SPACA9: variants seen among roughly 807,000 people sequenced by gnomAD.
SPACA9 encodes the protein sperm acrosome-associated protein 9.
SPACA9 carries 14 observed loss-of-function variants against 12.5 expected under a neutral mutation model. The observed-to-expected ratio is 1.12, with a 90% CI of 0.74 to 1.75. SPACA9 has a LOEUF of 1.75. SPACA9 is among the 40% of genes most tolerant of loss of function. SPACA9 has a pLI of 0.00. For missense variants in SPACA9, 292 were observed against 291.9 expected, an observed-to-expected ratio of 1.00 and a Z score of 0.00; for synonymous variants, 111 against 114.1, an observed-to-expected ratio of 0.97 and a Z score of 0.17.
At chr9:132,884,399 T>A (rs1261356649) in intron 2 of SPACA9, among the ~76,000 whole-genome samples, 1 of 152,242 alleles carries the variant, frequency 6.6e-6, no homozygotes, top group Non-Finnish European at 1.5e-5. Flanking sequence ...AGTGTCCTCA[T>A]CTGTGACGCA....
chr9:132,878,384 C>A (rs956096539), upstream of SPACA9: 1 of 1,244,010 alleles, frequency 8.0e-7, no homozygotes, highest in South Asian at 3.9e-5. The surrounding 1 kb of genome is among the most constrained non-coding windows in gnomAD (Gnocchi z 4.7). Flanking sequence ...GATCCTCGGT[C>A]GCGCGGGTCG....
chr9:132,889,000 C>A lies in SPACA9; in HGVS notation c.*389C>A. ...GCCAGGATGGTCTCAATCTCCTGAC[C>A]TCATGATCTACCCTCGTGATCGGCC... On this transcript the variant is annotated 3_prime_UTR_variant, in exon 4 of 4. Transcript: ENST00000356311. The surrounding 1 kb of genome is among the most constrained non-coding windows in gnomAD (Gnocchi z 5.0). 1 of 793,434 alleles carries A rather than the reference C, an allele frequency of 1.3e-6. No individual in the cohort carries two copies. Among genetic ancestry groups the A allele is most frequent in the Non-Finnish European group, 1.6e-6 (1 of 644,052 alleles). The allele number at this position is 793,434 out of a possible 1,614,324, so 49.1% of individuals were successfully genotyped here. A position where few individuals can be genotyped will look rare whatever the true frequency, so the allele number is the denominator to read the frequency against.
rs1245751063 is a variant in SPACA9, at chr9:132,889,772, T to A, written c.*1161T>A. 1 of 1,295,990 alleles carries A rather than the reference T, an allele frequency of 7.7e-7. No individual in the cohort carries two copies. The allele number at this position is 1,295,990 out of a possible 1,614,324, so 80.3% of individuals were successfully genotyped here. On this transcript the variant is annotated 3_prime_UTR_variant, in exon 4 of 4. Coordinates refer to ENST00000356311, the MANE Select transcript of SPACA9 (RefSeq NM_001316897.2). ...ACAGCCAAAGGGGAATAAACTCACC[T>A]TTCCTTCGCCTTTACTTGGGAGAGG...
At chr9:132,885,939 A>G (rs1481714772) in intron 2 of SPACA9, among the ~76,000 whole-genome samples, 1 of 151,432 alleles carries the variant, frequency 6.6e-6, no homozygotes, top group Non-Finnish European at 1.5e-5. Flanking sequence ...GCTCTGTTGT[A>G]GTTACACCAT....
chr9:132,887,445 C>T lies in SPACA9; in HGVS notation c.221C>T (p.Ser74Leu). The change falls in exon 3 of 4, where the codon TCA (serine) becomes TTA (leucine). Residue 74 changes from serine to leucine, a missense_variant. Ser to Leu is a moderately radical substitution (Grantham distance 145, BLOSUM62 -2). Coordinates refer to ENST00000356311, the MANE Select transcript of SPACA9 (RefSeq NM_001316897.2). This position sits in a 1 kb window ranked among gnomAD's most constrained non-coding sequence, Gnocchi z 5.4. ...CTGCTCATGTTCCTGGACATCTGTT[C>T]AGAGCTGAATAAGCTCTGCCAGCAC... ...RVLLMFLDIC[S>L]ELNKLCQHFE... 6.2e-7 allele frequency: 1 copy of T among 1,613,518 alleles called. No individual in the cohort carries two copies. Among genetic ancestry groups the T allele is most frequent in the Non-Finnish European group, 8.5e-7 (1 of 1,180,022 alleles).
In SPACA9 at chr9:132,887,262, A is replaced by G; in HGVS notation, c.145-107A>G. The G allele has an allele frequency of 1.1e-6, 1 of 912,348 alleles. No individual in the cohort carries two copies. Among genetic ancestry groups the G allele is most frequent in the African/African-American group, 1.6e-5 (1 of 60,886 alleles). 56.5% of individuals were successfully genotyped at this position (912,348 alleles called of 1,614,324 possible). The stretch of plus-strand genomic sequence containing the variant: ...GTTACTTGCGTCTCCCCCATGAGTC[A>G]TGTAGGGTGGGAGGGAGTAGGGTGG... On this transcript the variant is annotated intron_variant, in intron 2 of 3. Coordinates refer to ENST00000356311, the MANE Select transcript of SPACA9 (RefSeq NM_001316897.2). The surrounding 1 kb of genome is among the most constrained non-coding windows in gnomAD (Gnocchi z 5.4).
Position 132,889,824 on chromosome 9 carries a change from G to GTT in SPACA9, c.*1213_*1214insTT, listed in dbSNP as rs373787466. On this transcript the variant is annotated 3_prime_UTR_variant, in exon 4 of 4. Coordinates refer to ENST00000356311, the MANE Select transcript of SPACA9 (RefSeq NM_001316897.2). ...AGACCATGACAGAAGCCAGAATTCT[G>GTT]ATTTTGTGGCTCCTGAGCAAGGGCG... The GTT allele has an allele frequency of 7.5e-7, 1 of 1,333,806 alleles. No individual in the cohort carries two copies. 82.6% of individuals were successfully genotyped at this position (1,333,806 alleles called of 1,614,324 possible). A position where few individuals can be genotyped will look rare whatever the true frequency, so the allele number is the denominator to read the frequency against.
chr9:132,881,297 GAAA>G (rs201716244), intron 1 of SPACA9, among the ~76,000 whole-genome samples: 2 of 120,602 alleles, frequency 1.7e-5, no homozygotes, highest in Non-Finnish European at 3.5e-5. Context: ...AAAAAAAGAA[GAAA>G]AAAAAAAAAA....
Position 132,888,798 on chromosome 9 carries a change from C to CT in SPACA9, c.*187_*188insT. On this transcript the variant is annotated 3_prime_UTR_variant, in exon 4 of 4. Coordinates refer to ENST00000356311, the MANE Select transcript of SPACA9 (RefSeq NM_001316897.2). The surrounding 1 kb of genome is among the most constrained non-coding windows in gnomAD (Gnocchi z 5.0). ...TTCTTTTTTTTTTGAGACGGAGTCTCGCTCTGTCGCCCAGGCTGGAGTGCG... is the reference window on the plus strand; with the variant it reads ...TTCTTTTTTTTTTGAGACGGAGTCTCTGCTCTGTCGCCCAGGCTGGAGTGCG... The CT allele has an allele frequency of 1.5e-6, 2 of 1,344,892 alleles. No homozygotes were observed. The highest frequency in any genetic ancestry group is 6.8e-5 in the Admixed American group (2 of 29,612). The allele number at this position is 1,344,892 out of a possible 1,614,324, so 83.3% of individuals were successfully genotyped here.
In SPACA9 at chr9:132,887,969, A is replaced by T. The variant is rs1844616626; in HGVS notation, c.348-321A>T. Among the ~76,000 whole-genome samples, 1 of 152,120 alleles carries T rather than the reference A, an allele frequency of 6.6e-6. No individual in the cohort carries two copies. The highest frequency in any genetic ancestry group is 2.4e-5 in the African/African-American group (1 of 41,420). ...GGGAGCCTGCAGCACAGTGGGCCAG[A>T]GCCTGGGGAAGCTCTGTAGATACCA... On this transcript the variant is annotated intron_variant, in intron 3 of 3. Transcript: ENST00000356311. The surrounding 1 kb of genome is among the most constrained non-coding windows in gnomAD (Gnocchi z 5.4).
chr9:132,878,739 G>A (rs1033629340), upstream of SPACA9: 34 of 986,596 alleles, frequency 3.4e-5, no homozygotes, highest in Non-Finnish European at 3.9e-5. This position sits in a 1 kb window ranked among gnomAD's most constrained non-coding sequence, Gnocchi z 4.7. Context: ...TCGAGGATCG[G>A]GTGGAAATCC....
In SPACA9 at chr9:132,888,750, CCT is replaced by C; in HGVS notation, c.*148_*149del. On this transcript the variant is annotated 3_prime_UTR_variant, in exon 4 of 4. Transcript: ENST00000356311. This position sits in a 1 kb window ranked among gnomAD's most constrained non-coding sequence, Gnocchi z 5.0. The stretch of plus-strand genomic sequence containing the variant: ...ATCAGCCAATATATTACTGAGACTT[CCT>C]CTCTCTCTTCTTGCTTTAACTTCTT... The C allele has an allele frequency of 2.1e-6, 3 of 1,418,448 alleles. No individual in the cohort carries two copies. The highest frequency in any genetic ancestry group is 1.6e-5 in the South Asian group (1 of 62,808). The allele number at this position is 1,418,448 out of a possible 1,614,324, so 87.9% of individuals were successfully genotyped here. A position where few individuals can be genotyped will look rare whatever the true frequency, so the allele number is the denominator to read the frequency against.
intron 1 of SPACA9, among the ~76,000 whole-genome samples, chr9:132,880,360 G>A (rs764273813): frequency 1.1e-4 from 17 of 152,210 alleles, no homozygotes; most frequent in African/African-American, 1.9e-4. Context: ...CGATCACTTC[G>A]GATAGCTTAT....
chr9:132,880,192 T>C (rs1341811838), intron 1 of SPACA9, among the ~76,000 whole-genome samples: 1 of 152,174 alleles, frequency 6.6e-6, no homozygotes, highest in Non-Finnish European at 1.5e-5. Context: ...CTACCATGAT[T>C]CAATCTTCTT....
At chr9:132,879,734 A>G (rs1404127072) in intron 1 of SPACA9, among the ~76,000 whole-genome samples, 1 of 152,222 alleles carries the variant, frequency 6.6e-6, no homozygotes, top group Non-Finnish European at 1.5e-5. Flanking sequence ...TTGATCATAC[A>G]GCCTTAGAAC....
intron 2 of SPACA9, among the ~76,000 whole-genome samples, chr9:132,886,154 T>C (rs1474070558): frequency 1.3e-5 from 2 of 152,254 alleles, no homozygotes; most frequent in Non-Finnish European, 1.5e-5. Flanking sequence ...TTGTGGGTGC[T>C]GGAGGAGGTG....
At position 132,888,589 on chromosome 9, in the gene SPACA9, G is replaced by T; in HGVS notation, c.647G>T (p.Arg216Met). ...KPRGCSKPPW[R>M]PPGGKL ...AGGGGATGTTCAAAACCACCCTGGA[G>T]GCCTCCTGGTGGGAAATTGTAACTC... Residue 216 changes from arginine to methionine, a missense_variant, in exon 4 of 4, where the codon AGG becomes ATG. Transcript: ENST00000356311. This position sits in a 1 kb window ranked among gnomAD's most constrained non-coding sequence, Gnocchi z 5.0. The T allele has an allele frequency of 5.9e-6, 9 of 1,537,770 alleles. No individual in the cohort carries two copies. Among genetic ancestry groups the T allele is most frequent in the Non-Finnish European group, 7.9e-6 (9 of 1,139,626 alleles).
chr9:132,879,832 C>A (rs192732495), intron 1 of SPACA9, among the ~76,000 whole-genome samples: 1 of 152,242 alleles, frequency 6.6e-6, no homozygotes, highest in African/African-American at 2.4e-5. Flanking sequence ...GAAATCTTGG[C>A]TAGGGCCACT....
At chr9:132,886,730 C>T (rs993521077) in intron 2 of SPACA9, among the ~76,000 whole-genome samples, 18 of 152,152 alleles carry the variant, frequency 1.2e-4, no homozygotes, top group African/African-American at 2.4e-4. Context: ...AGAGCAGGCC[C>T]GTAAAGCATT....
Sources: allele counts gnomAD v4.1 joint callset (sites outside exome capture counted in the v4.1 genomes callset), GRCh38; gene constraint gnomAD v4.1.1; non-coding constraint Gnocchi (gnomAD v3.1); transcripts MANE v1.5; gene names NCBI Gene and HGNC (gene_info 2026-07-23, HGNC 2026-07-21).